Variants in CACNA1D observed in about 807,000 individuals in gnomAD.
CACNA1D encodes the protein calcium voltage-gated channel subunit alpha1 D.
CACNA1D carries 55 observed loss-of-function variants against 257.1 expected under a neutral mutation model. The observed-to-expected ratio is 0.21, with a 90% CI of 0.17 to 0.27. The LOEUF (loss-of-function observed/expected upper bound fraction) is 0.27, where lower values mean the gene tolerates loss of function less well. Among genes scored for constraint, CACNA1D ranks in the 10% least tolerant of loss-of-function variants. The probability of loss-of-function intolerance (pLI) is 1.00; values close to 1 mark genes in which losing one functional copy is unlikely to be tolerated. For synonymous variants in CACNA1D, 980 were observed against 1,014.9 expected, an observed-to-expected ratio of 0.97 and a Z score of 0.65; for missense variants, 1,876 against 2,784.0, an observed-to-expected ratio of 0.67 and a Z score of 7.34.
At chr3:53,744,954 C>G (rs922640709) in intron 23 of CACNA1D, 127 bp downstream of exon 23, 37 of 662,650 alleles carry the variant, frequency 5.6e-5, no homozygotes, top group Non-Finnish European at 8.4e-5. Context: ...ACCTTTCTAA[C>G]CAATTCAGCC....
chr3:53,584,407 T>G (rs1426242745), intron 3 of CACNA1D, among the ~76,000 whole-genome samples: 1 of 152,202 alleles, frequency 6.6e-6, no homozygotes, highest in Non-Finnish European at 1.5e-5. Context: ...ATTCCTCCCT[T>G]CTGGGATGCT....
chr3:53,711,449 C>T (rs1356833565), intron 9 of CACNA1D, among the ~76,000 whole-genome samples: 3 of 152,234 alleles, frequency 2.0e-5, no homozygotes, highest in Non-Finnish European at 4.4e-5. Context: ...GCAGCTGGCT[C>T]CCTGCCTTGC....
rs1208344760 is a variant in CACNA1D at position 53,495,590 on chromosome 3, C to A, written c.67+357C>A. Among the ~76,000 whole-genome samples, 2 of 152,176 alleles carry A rather than the reference C, an allele frequency of 1.3e-5. No homozygotes were observed. The highest frequency in any genetic ancestry group is 1.3e-4 in the Admixed American group (2 of 15,282). ...GAGGGCCGCAAGTCTTCAGCCGGAG[C>A]CCCCTTGCCAGCCTCTTCTCGCCTT... On this transcript the variant is annotated intron_variant, in intron 1 of 47. Transcript: ENST00000350061. The surrounding 1 kb of genome is among the most constrained non-coding windows in gnomAD (Gnocchi z 5.1).
At chr3:53,595,237 C>T (rs77686880) in intron 3 of CACNA1D, among the ~76,000 whole-genome samples, 4,601 of 152,282 alleles carry the variant, frequency 0.03, 241 homozygotes, top group African/African-American at 0.11. Flanking sequence ...CCAGCTCAGC[C>T]GGCTTGTTTT....
At chr3:53,576,031 G>A (rs1466905442) in intron 3 of CACNA1D, among the ~76,000 whole-genome samples, 7 of 152,120 alleles carry the variant, frequency 4.6e-5, no homozygotes, top group Admixed American at 6.5e-5. Flanking sequence ...TGGTGGGAAC[G>A]TTCCCTCTCT....
chr3:53,514,689 T>C (rs1371915644), intron 3 of CACNA1D, among the ~76,000 whole-genome samples: 7 of 152,142 alleles, frequency 4.6e-5, no homozygotes, highest in African/African-American at 1.7e-4. Flanking sequence ...TCGTTAGCCT[T>C]AGCTGTAGAT....
chr3:53,607,657 G>T (rs1460714049), intron 3 of CACNA1D, among the ~76,000 whole-genome samples: 35 of 152,182 alleles, frequency 2.3e-4, no homozygotes, highest in Admixed American at 2.3e-3. Flanking sequence ...TAAGAGTCCA[G>T]ACTTATAGTT....
At chr3:53,624,770 G>A (rs1259373528) in intron 3 of CACNA1D, among the ~76,000 whole-genome samples, 1 of 152,212 alleles carries the variant, frequency 6.6e-6, no homozygotes, top group East Asian at 1.9e-4. Flanking sequence ...GATAGTCACT[G>A]AGTTCCCCCA....
chr3:53,636,721 T>C (rs1457308207), intron 3 of CACNA1D, among the ~76,000 whole-genome samples: 1 of 152,264 alleles, frequency 6.6e-6, no homozygotes. Flanking sequence ...TAATTTCATA[T>C]GTATTTTATT....
chr3:53,537,429 A>AT (rs2092146141), intron 3 of CACNA1D, among the ~76,000 whole-genome samples: 1 of 152,044 alleles, frequency 6.6e-6, no homozygotes, highest in African/African-American at 2.4e-5. Flanking sequence ...CAGGTATATC[A>AT]TTTTTTTCTC....
Position 53,749,307 on chromosome 3 carries a change from C to G in CACNA1D, c.3354C>G (p.Ile1118Met). 2 of 1,613,902 alleles carry G rather than the reference C, an allele frequency of 1.2e-6. No individual in the cohort carries two copies. Among genetic ancestry groups the G allele is most frequent in the Admixed American group, 1.7e-5 (1 of 60,018 alleles). ...YKAIDSNGEN[I>M]GPIYNHRVEI... ...CCATCGACTCGAATGGAGAGAACAT[C>G]GGCCCAATCTACAACCACCGCGTGG... The change falls in exon 27 of 48, where the codon ATC becomes ATG. Residue 1118 changes from isoleucine (I) to methionine (M), a missense_variant. Physicochemically the swap from Ile to Met is conservative, Grantham distance 10. Coordinates refer to ENST00000350061, the MANE Select transcript of CACNA1D (RefSeq NM_001128840.3).
chr3:53,499,194 C>G lies in CACNA1D; in HGVS notation c.377+1733C>G, dbSNP rs114972013. Among the ~76,000 whole-genome samples, 805 of 152,292 alleles carry G rather than the reference C, an allele frequency of 5.3e-3. 4 individuals carry two copies. Among genetic ancestry groups the G allele is most frequent in the African/African-American group, 0.018 (749 of 41,558 alleles). On this transcript the variant is annotated intron_variant, in intron 2 of 47. Transcript: ENST00000350061. ...ATTCCTGGATCACGCTGCTGTCTCC[C>G]TTTTCCAGTTGCCAGACACATGTGT... is the stretch of plus-strand genomic sequence containing the variant.
chr3:53,758,122 C>G (rs1241621847), intron 29 of CACNA1D, among the ~76,000 whole-genome samples: 1 of 152,166 alleles, frequency 6.6e-6, no homozygotes, highest in Non-Finnish European at 1.5e-5. Flanking sequence ...ACGATACCTG[C>G]TTTTCTGTCG....
Position 53,811,418 on chromosome 3 carries a change from G to A in CACNA1D, c.*12G>A, listed in dbSNP as rs370654419. 13 of 1,537,050 alleles carry A rather than the reference G, an allele frequency of 8.5e-6. No homozygotes were observed. ...TCACCACCTTGTAGCCCCCAGCGAG[G>A]GGCAGACTGGCTCTGGCCTCAGGTG... On this transcript the variant is annotated 3_prime_UTR_variant, in exon 48 of 48. Transcript: ENST00000350061. The surrounding 1 kb of genome is among the most constrained non-coding windows in gnomAD (Gnocchi z 4.2).
chr3:53,670,454 C>T (rs931124499), intron 7 of CACNA1D, among the ~76,000 whole-genome samples: 6 of 152,136 alleles, frequency 3.9e-5, no homozygotes, highest in Non-Finnish European at 8.8e-5. Context: ...AAGCGATTCT[C>T]GTGCCTCAGC....
Position 53,743,077 on chromosome 3 carries a change from A to G in CACNA1D, c.2878A>G (p.Met960Val), listed in dbSNP as rs747615340. 1 of 1,613,958 alleles carries G rather than the reference A, an allele frequency of 6.2e-7. No individual in the cohort carries two copies. The highest frequency in any genetic ancestry group is 1.7e-5 in the Admixed American group (1 of 60,020). Residue 960 changes from methionine (M) to valine (V), a missense_variant, in exon 22 of 48, where the codon ATG becomes GTG. Transcript: ENST00000350061. The stretch of plus-strand genomic sequence containing the variant: ...CAGGAACTACTTCAATTTGCTGGAT[A>G]TGCTGGTGGTTGGGGTGTCTCTGGT... The part of the protein sequence containing the change: ...FCRNYFNLLD[M>V]LVVGVSLVSF...
At position 53,526,566 on chromosome 3, in the gene CACNA1D, T is replaced by C. The variant is rs1372331610; in HGVS notation, c.483+24846T>C. Among the ~76,000 whole-genome samples, 10 of 152,346 alleles carry C rather than the reference T, an allele frequency of 6.6e-5. No individual in the cohort carries two copies. The East Asian group carries it at 1.9e-3, about 29-fold the overall frequency. ...TGACCCTAACCTTAATGGTGATTAC[T>C]GTTCGAGGTTTTTCAAACACATAGT... is the stretch of plus-strand genomic sequence containing the variant. On this transcript the variant is annotated intron_variant, in intron 3 of 47. Coordinates refer to ENST00000350061, the MANE Select transcript of CACNA1D (RefSeq NM_001128840.3).
Position 53,495,198 on chromosome 3 carries a change from A to C in CACNA1D, c.32A>C (p.Gln11Pro). ...ATGATGATGATGATGAAAAAAATGC[A>C]GCATCAACGGCAGCAGCAAGCGGAC... Reference protein sequence around the residue: MMMMMMMKKMQHQRQQQADHA... With the variant: MMMMMMMKKMPHQRQQQADHA... Residue 11 changes from glutamine (Q) to proline (P), a missense_variant, in exon 1 of 48, where the codon CAG becomes CCG. Gln to Pro is a moderately conservative substitution (Grantham distance 76). Around this residue, in one of 10 missense-constraint regions of CACNA1D, gnomAD observed 143 missense variants for 168.7 expected, o/e 0.85. Coordinates refer to ENST00000350061, the MANE Select transcript of CACNA1D (RefSeq NM_001128840.3). This position sits in a 1 kb window ranked among gnomAD's most constrained non-coding sequence, Gnocchi z 5.1. 6.2e-7 allele frequency: 1 copy of C among 1,613,742 alleles called. No individual in the cohort carries two copies. Among genetic ancestry groups the C allele is most frequent in the Middle Eastern group, 1.7e-4 (1 of 6,036 alleles).
chr3:53,647,072 T>C (rs1340593711), intron 3 of CACNA1D, among the ~76,000 whole-genome samples: 2 of 152,166 alleles, frequency 1.3e-5, no homozygotes, highest in Non-Finnish European at 2.9e-5. Context: ...GGTTTTAGAA[T>C]TAGATTTCAG....
Sources: allele counts gnomAD v4.1 joint callset (sites outside exome capture counted in the v4.1 genomes callset), GRCh38; gene constraint gnomAD v4.1.1; regional missense constraint gnomAD v4.1.1; non-coding constraint Gnocchi (gnomAD v3.1); transcripts MANE v1.5; gene names NCBI Gene and HGNC (gene_info 2026-07-23, HGNC 2026-07-21).